PHLPP1: variants seen among roughly 807,000 people sequenced by gnomAD.
PHLPP1 encodes the protein PH domain and leucine rich repeat protein phosphatase 1.
A neutral mutation model predicts 117.2 loss-of-function variants in PHLPP1; 42 were observed. That is an observed-to-expected ratio of 0.36 (90% CI 0.28 to 0.46). The LOEUF is 0.46. Among genes scored for constraint, PHLPP1 ranks in the 20% least tolerant of loss-of-function variants. The pLI is 1.00. For synonymous variants in PHLPP1, 1,042 were observed against 970.7 expected, an observed-to-expected ratio of 1.07 and a Z score of -1.37; for missense variants, 2,084 against 2,241.9, an observed-to-expected ratio of 0.93 and a Z score of 1.42.
intron 8 of PHLPP1, among the ~76,000 whole-genome samples, chr18:62,912,430 A>T (rs1303794809): frequency 6.6e-6 from 1 of 151,846 alleles, no homozygotes; most frequent in Non-Finnish European, 1.5e-5. Context: ...ATTTCCTACT[A>T]CCTATCAGAT....
At chr18:62,775,141 A>G (rs954936092) in intron 1 of PHLPP1, among the ~76,000 whole-genome samples, 5 of 152,174 alleles carry the variant, frequency 3.3e-5, no homozygotes, top group Admixed American at 3.3e-4. Context: ...TCTGTCATCC[A>G]GGCTGGAGTG....
At chr18:62,794,418 G>A (rs1444027984) in intron 1 of PHLPP1, among the ~76,000 whole-genome samples, 11 of 151,046 alleles carry the variant, frequency 7.3e-5, no homozygotes, top group Admixed American at 7.2e-4. Context: ...ACCATGCTGA[G>A]TGCAGTAGCA....
At chr18:62,943,985 A>G (rs547584281) in intron 11 of PHLPP1, among the ~76,000 whole-genome samples, 1 of 152,350 alleles carries the variant, frequency 6.6e-6, no homozygotes, top group Admixed American at 6.5e-5. Context: ...CTTAGTTTTT[A>G]CTGTATCTTA....
In PHLPP1 at chr18:62,979,314, G is replaced by T; in HGVS notation, c.5037G>T (p.Lys1679Asn). Residue 1679 changes from lysine to asparagine, a missense_variant, in exon 17 of 17, where the codon AAG (lysine) becomes AAT (asparagine). Around this residue, in one of 2 missense-constraint regions of PHLPP1, gnomAD observed 1,365 missense variants for 1,605.9 expected, o/e 0.85. Coordinates refer to ENST00000262719, the MANE Select transcript of PHLPP1 (RefSeq NM_194449.4). ...ELEEEVKEIM[K>N]HHQEQQQQQQ... is the part of the protein sequence containing the mutation. ...AAGAGGAGGTCAAAGAAATCATGAAGCATCACCAGGAGCAACAGCAGCAGC... is the reference window on the plus strand; with the variant it reads ...AAGAGGAGGTCAAAGAAATCATGAATCATCACCAGGAGCAACAGCAGCAGC... The T allele has an allele frequency of 1.3e-6, 2 of 1,553,734 alleles. No individual in the cohort carries two copies. The highest frequency in any genetic ancestry group is 1.2e-5 in the South Asian group (1 of 84,244).
At chr18:62,821,640 C>A (rs149956842) in intron 1 of PHLPP1, among the ~76,000 whole-genome samples, 551 of 150,404 alleles carry the variant, frequency 3.7e-3, no homozygotes, top group African/African-American at 0.013. Context: ...ATTGGTAGTT[C>A]TCTAACCAAA....
chr18:62,961,834 A>C (rs999831046), intron 13 of PHLPP1, among the ~76,000 whole-genome samples: 1 of 152,208 alleles, frequency 6.6e-6, no homozygotes, highest in Non-Finnish European at 1.5e-5. Context: ...ATGGAAAGTA[A>C]ATGTTTGCTA....
intron 10 of PHLPP1, among the ~76,000 whole-genome samples, chr18:62,937,883 A>G (rs1268971544): frequency 6.6e-6 from 1 of 152,078 alleles, no homozygotes; most frequent in Non-Finnish European, 1.5e-5. Flanking sequence ...ATGGTGGTGC[A>G]TGCCTGTAAT....
At chr18:62,741,794 A>C (rs1287645594) in intron 1 of PHLPP1, among the ~76,000 whole-genome samples, 1 of 151,450 alleles carries the variant, frequency 6.6e-6, no homozygotes, top group African/African-American at 2.4e-5. Flanking sequence ...AGAGCATTGC[A>C]AATAGGGAAA....
At chr18:62,879,838 A>G (rs540759570) in intron 4 of PHLPP1, among the ~76,000 whole-genome samples, 5 of 152,294 alleles carry the variant, frequency 3.3e-5, no homozygotes, top group Admixed American at 2.6e-4. Context: ...TTGCATGCTG[A>G]AGTTTGAGAA....
At chr18:62,935,709 G>A (rs746785115) in intron 10 of PHLPP1, among the ~76,000 whole-genome samples, 11 of 152,088 alleles carry the variant, frequency 7.2e-5, no homozygotes, top group Non-Finnish European at 1.6e-4. Flanking sequence ...CTAACATCAA[G>A]ACCTTGGTTT....
chr18:62,798,697 T>C (rs1175468241), intron 1 of PHLPP1, among the ~76,000 whole-genome samples: 1 of 152,122 alleles, frequency 6.6e-6, no homozygotes, highest in Non-Finnish European at 1.5e-5. Flanking sequence ...GCTCATTTGC[T>C]TCCTAGAGTT....
intron 1 of PHLPP1, among the ~76,000 whole-genome samples, chr18:62,766,076 A>AAAAAAAAAT: frequency 3.2e-4 from 7 of 21,662 alleles, no homozygotes; most frequent in Non-Finnish European, 4.2e-4. Flanking sequence ...AAAAAAAAAA[A>AAAAAAAAAT]ATATATATAT....
chr18:62,907,509 G>T (rs1283114669), intron 8 of PHLPP1, among the ~76,000 whole-genome samples: 1 of 122,544 alleles, frequency 8.2e-6, no homozygotes, highest in Non-Finnish European at 1.7e-5. Context: ...CGTGAAGAAT[G>T]CAGAAGCCTC....
chr18:62,792,868 CAAAAAAA>C (rs71160870), intron 1 of PHLPP1, among the ~76,000 whole-genome samples: 7,199 of 56,784 alleles, frequency 0.13, 268 homozygotes, highest in Non-Finnish European at 0.17. Context: ...GCCTCTGTCT[CAAAAAAA>C]AAAAAAAAAA....
chr18:62,933,811 A>G (rs887297151), intron 10 of PHLPP1, among the ~76,000 whole-genome samples: 6 of 152,188 alleles, frequency 3.9e-5, no homozygotes, highest in East Asian at 3.8e-4. Context: ...TGAACAGACA[A>G]TCTACAGAAT....
intron 6 of PHLPP1, among the ~76,000 whole-genome samples, chr18:62,898,638 T>C (rs1277686411): frequency 6.6e-6 from 1 of 152,196 alleles, no homozygotes; most frequent in Non-Finnish European, 1.5e-5. Flanking sequence ...TGGTGGCAAG[T>C]TAACTATTTG....
chr18:62,728,804 G>T (rs2122056949), intron 1 of PHLPP1, among the ~76,000 whole-genome samples: 1 of 152,220 alleles, frequency 6.6e-6, no homozygotes, highest in Non-Finnish European at 1.5e-5. Context: ...ACTGCGCCTG[G>T]CCTGGTTTAT....
intron 1 of PHLPP1, among the ~76,000 whole-genome samples, chr18:62,760,644 G>T (rs771058594): frequency 7.9e-5 from 12 of 152,162 alleles, no homozygotes; most frequent in Non-Finnish European, 1.6e-4. Flanking sequence ...TCTCTCTGTT[G>T]CCCTTCTTTA....
intron 1 of PHLPP1, among the ~76,000 whole-genome samples, chr18:62,774,073 T>C (rs1346138963): frequency 6.6e-6 from 1 of 152,210 alleles, no homozygotes; most frequent in Non-Finnish European, 1.5e-5. Context: ...ACATGTTTTT[T>C]TGTGGGTGGG....
Sources: gnomAD v4.1 joint callset for allele counts (sites outside exome capture counted in the v4.1 genomes callset) on GRCh38, gnomAD v4.1.1 for gene constraint, gnomAD v4.1.1 regional missense constraint, MANE v1.5 for transcripts, NCBI Gene and HGNC (gene_info 2026-07-23, HGNC 2026-07-21) for gene names.